Variants in HECA observed in about 807,000 individuals in gnomAD.
The protein encoded by HECA is HECA ribonucleoprotein granule regulator, also known as headcase protein homolog.
In HECA, 13 loss-of-function variants were observed where a neutral mutation model predicts 37.6. The observed-to-expected ratio is 0.35, with a 90% CI of 0.23 to 0.55. The LOEUF (loss-of-function observed/expected upper bound fraction) is 0.55. Among genes scored for constraint, HECA ranks in the 20% least tolerant of loss-of-function variants. The pLI is 0.90. For synonymous variants in HECA, 307 were observed against 291.5 expected (o/e 1.05, Z -0.54); for missense variants, 527 against 701.9 (o/e 0.75, Z 2.82).
Position 139,167,100 on chromosome 6 carries a change from C to G in HECA, c.1088C>G (p.Thr363Ser). Residue 363 changes from threonine (T) to serine (S), a missense_variant, in exon 2 of 4, where the codon ACT (threonine) becomes AGT (serine). Coordinates refer to ENST00000367658, the MANE Select transcript of HECA (RefSeq NM_016217.3). ...CACATCCCCAGGCATAAGCTGAACA[C>G]TTTCCACGTGCGCATGGAAGACGAT... is the stretch of plus-strand genomic sequence containing the variant. ...LTHIPRHKLN[T>S]FHVRMEDDAQ... is the part of the protein sequence containing the mutation. 1 of 1,614,222 alleles carries G rather than the reference C, an allele frequency of 6.2e-7. No individual in the cohort carries two copies. Among genetic ancestry groups the G allele is most frequent in the Non-Finnish European group, 8.5e-7 (1 of 1,180,040 alleles).
chr6:139,164,972 T>C (rs955330974), intron 1 of HECA, among the ~76,000 whole-genome samples: 2 of 152,198 alleles, frequency 1.3e-5, no homozygotes, highest in East Asian at 3.8e-4. Context: ...CAGCTTCTTT[T>C]GTAAATAAAA....
chr6:139,135,849 C>T (rs1367972845), intron 1 of HECA, among the ~76,000 whole-genome samples, 182 bp downstream of exon 1: 2 of 151,658 alleles, frequency 1.3e-5, no homozygotes, highest in African/African-American at 4.8e-5. Context: ...GGGGACAGAT[C>T]TGCGGCCCCT....
intron 1 of HECA, chr6:139,152,865 T>C (rs1774667559): frequency 6.6e-6 from 1 of 152,216 alleles, no homozygotes; most frequent in South Asian, 2.1e-4. Context: ...CTTTTTATTT[T>C]TAATTTTTGT....
intron 1 of HECA, among the ~76,000 whole-genome samples, chr6:139,147,967 T>G (rs1161398124): frequency 3.9e-5 from 6 of 152,210 alleles, no homozygotes; most frequent in African/African-American, 1.2e-4. Flanking sequence ...TAATGTAAAT[T>G]TCGATTACCA....
chr6:139,173,023 G>C (rs1001921463), intron 2 of HECA, among the ~76,000 whole-genome samples: 7 of 152,192 alleles, frequency 4.6e-5, no homozygotes, highest in Non-Finnish European at 8.8e-5. Context: ...ACCTGGGAAT[G>C]TTTGGGAATT....
At chr6:139,159,983 C>T (rs933124233) in intron 1 of HECA, among the ~76,000 whole-genome samples, 31 of 152,150 alleles carry the variant, frequency 2.0e-4, no homozygotes, top group African/African-American at 7.5e-4. Context: ...GCTCATTGGG[C>T]ATTCAGTGTG....
chr6:139,141,458 A>G (rs1484915143), intron 1 of HECA, among the ~76,000 whole-genome samples: 1 of 152,176 alleles, frequency 6.6e-6, no homozygotes, highest in Non-Finnish European at 1.5e-5. Context: ...GTTTACCTTT[A>G]GGTTCTTATT....
rs375652407 is a variant in HECA, at chr6:139,135,367, C to T, written c.-30C>T. Reference sequence around the variant, plus strand: ...CTCTGGGATCCGCCTTCGCTGACGCCGGGCACCTACCTGGACGCGAGCGAG... The same window carrying T: ...CTCTGGGATCCGCCTTCGCTGACGCTGGGCACCTACCTGGACGCGAGCGAG... On this transcript the variant is annotated 5_prime_UTR_variant, in exon 1 of 4. Transcript: ENST00000367658. The T allele has an allele frequency of 1.2e-5, 16 of 1,321,998 alleles. No homozygotes were observed. Among genetic ancestry groups the T allele is most frequent in the Non-Finnish European group, 1.6e-5 (16 of 1,010,600 alleles). 81.9% of individuals were successfully genotyped at this position (1,321,998 alleles called of 1,614,324 possible). A position where few individuals can be genotyped will look rare whatever the true frequency, so the allele number is the denominator to read the frequency against.
At position 139,175,807 on chromosome 6, in the gene HECA, G is replaced by A. The variant is rs186559159; in HGVS notation, c.1468-1134G>A. On this transcript the variant is annotated intron_variant, in intron 3 of 3. Coordinates refer to ENST00000367658, the MANE Select transcript of HECA (RefSeq NM_016217.3). ...TTCCATGTCTTTAGGAGGAAAAACA[G>A]AACAGCATCCTGCCACACCCAGCCT... Among the ~76,000 whole-genome samples, 42 of 152,290 alleles carry A rather than the reference G, an allele frequency of 2.8e-4. 1 individual carries two copies. The highest frequency in any genetic ancestry group is 1.2e-3 in the Admixed American group (19 of 15,302).
rs1415185353 is a variant in HECA, at chr6:139,180,103, G to C, written c.*2998G>C. ...AGATAGACATGGTGCCATGAAGTTG[G>C]GGAGTTGGGTGAATTATCCCATTCT... On this transcript the variant is annotated 3_prime_UTR_variant, in exon 4 of 4. Transcript: ENST00000367658. 1 of 152,114 alleles carries C rather than the reference G, an allele frequency of 6.6e-6. No individual in the cohort carries two copies. Among genetic ancestry groups the C allele is most frequent in the African/African-American group, 2.4e-5 (1 of 41,418 alleles). The allele number at this position is 152,114 out of a possible 1,614,324, so 9.4% of individuals were successfully genotyped here.
chr6:139,147,684 C>T (rs567246985), intron 1 of HECA, among the ~76,000 whole-genome samples: 1 of 152,234 alleles, frequency 6.6e-6, no homozygotes, highest in African/African-American at 2.4e-5. Context: ...AATACTTGAC[C>T]CAAGGAAGCA....
intron 1 of HECA, among the ~76,000 whole-genome samples, chr6:139,157,919 G>C (rs901175008): frequency 6.6e-6 from 1 of 152,168 alleles, no homozygotes; most frequent in Admixed American, 6.5e-5. Context: ...TGGTGGGCTC[G>C]GCCAGCCTTG....
At position 139,147,546 on chromosome 6, in the gene HECA, G is replaced by C. The variant is rs1044135103; in HGVS notation, c.271+11879G>C. ...AGGCTGAGGTGGGAGGATCGCTTGA[G>C]CCCAGGAGGAAAGGCTTGCAGTGAG... On this transcript the variant is annotated intron_variant, in intron 1 of 3. Coordinates refer to ENST00000367658, the MANE Select transcript of HECA (RefSeq NM_016217.3). Among the ~76,000 whole-genome samples, 3 of 152,278 alleles carry C rather than the reference G, an allele frequency of 2.0e-5. 1 individual carries two copies. The South Asian group carries it at 6.2e-4, about 32-fold the overall frequency.
intron 1 of HECA, among the ~76,000 whole-genome samples, chr6:139,162,652 G>A (rs1562246987): frequency 1.3e-5 from 2 of 152,222 alleles, no homozygotes. Flanking sequence ...CAAGGCCCTG[G>A]AATCCCACAC....
At chr6:139,158,780 T>G (rs1430917319) in intron 1 of HECA, among the ~76,000 whole-genome samples, 3 of 151,976 alleles carry the variant, frequency 2.0e-5, no homozygotes, top group African/African-American at 7.3e-5. Context: ...GGTATTAGTA[T>G]TATTATTTCT....
intron 1 of HECA, among the ~76,000 whole-genome samples, chr6:139,164,048 T>TCACACACACA: frequency 7.0e-6 from 1 of 142,756 alleles, no homozygotes; most frequent in East Asian, 1.9e-4. Flanking sequence ...GCATGGACTC[T>TCACACACACA]CACACACACA....
intron 1 of HECA, among the ~76,000 whole-genome samples, chr6:139,139,253 A>G (rs990833137): frequency 2.0e-5 from 3 of 152,168 alleles, no homozygotes; most frequent in Non-Finnish European, 4.4e-5. Context: ...GGCTTCTCAA[A>G]TTACTTGTCA....
At chr6:139,156,291 TC>T (rs1358372768) in intron 1 of HECA, among the ~76,000 whole-genome samples, 1 of 152,148 alleles carries the variant, frequency 6.6e-6, no homozygotes, top group African/African-American at 2.4e-5. Flanking sequence ...AGCTTCCGCC[TC>T]CCAGGCTCAA....
chr6:139,166,486 A>G lies in HECA; in HGVS notation c.474A>G (p.Gln158=), dbSNP rs779002293. The part of the protein sequence containing the change: ...IGRARSWNEK[Q]CRQNMWTKKG... Reference sequence around the variant, plus strand: ...GCGCGCGCAGCTGGAACGAGAAGCAATGCCGCCAGAACATGTGGACAAAGA... The same window carrying G: ...GCGCGCGCAGCTGGAACGAGAAGCAGTGCCGCCAGAACATGTGGACAAAGA... The change falls in exon 2 of 4, where the codon CAA becomes CAG. Residue 158 remains glutamine, a synonymous_variant. Transcript: ENST00000367658. 1.4e-5 allele frequency: 23 copies of G among 1,614,080 alleles called. No homozygotes were observed. Among genetic ancestry groups the G allele is most frequent in the Admixed American group, 1.2e-4 (7 of 60,004 alleles).
Sources: gnomAD v4.1 joint callset for allele counts (sites outside exome capture counted in the v4.1 genomes callset) on GRCh38, gnomAD v4.1.1 for gene constraint, MANE v1.5 for transcripts, NCBI Gene and HGNC (gene_info 2026-07-23, HGNC 2026-07-21) for gene names.